Variants in SLC7A14 observed in about 807,000 individuals in gnomAD.
SLC7A14 encodes the protein gamma-aminobutyric acid transporter SLC7A14.
SLC7A14 carries 37 observed loss-of-function variants against 60.2 expected under a neutral mutation model. That is an observed-to-expected ratio of 0.61 (90% CI 0.47 to 0.81). The LOEUF (loss-of-function observed/expected upper bound fraction) is 0.81. Among genes scored for constraint, SLC7A14 ranks in the 30% least tolerant of loss-of-function variants. The pLI is 0.00. For synonymous variants in SLC7A14, 399 were observed against 395.8 expected (o/e 1.01, Z -0.10); for missense variants, 886 against 982.7 (o/e 0.90, Z 1.32).
chr3:170,522,106 A>G (rs959140581), intron 2 of SLC7A14, among the ~76,000 whole-genome samples: 3 of 152,208 alleles, frequency 2.0e-5, no homozygotes, highest in African/African-American at 7.2e-5. Context: ...CAAACAAACA[A>G]ACAAAAAACA....
At chr3:170,511,101 G>A (rs1712966505) in intron 2 of SLC7A14, among the ~76,000 whole-genome samples, 1 of 152,168 alleles carries the variant, frequency 6.6e-6, no homozygotes, top group South Asian at 2.1e-4. Flanking sequence ...TACTAAGTAA[G>A]TGCTTACTAA....
intron 1 of SLC7A14, among the ~76,000 whole-genome samples, chr3:170,584,642 A>T (rs899422309): frequency 1.3e-5 from 2 of 152,202 alleles, no homozygotes; most frequent in African/African-American, 2.4e-5. Context: ...TTAGGGTTCT[A>T]ACGCAGTTTC....
At chr3:170,578,013 C>T (rs13317623) in intron 1 of SLC7A14, among the ~76,000 whole-genome samples, 7 of 152,250 alleles carry the variant, frequency 4.6e-5, no homozygotes, top group African/African-American at 1.7e-4. Context: ...AGCTCTCCCT[C>T]TCTACTGTAA....
At chr3:170,481,214 G>T in intron 6 of SLC7A14, 48 bp from the exon 7 acceptor site, 1 of 1,558,576 alleles carries the variant, frequency 6.4e-7, no homozygotes, top group South Asian at 1.2e-5. Context: ...TACAGTGACC[G>T]ATTCCAGTGC....
chr3:170,499,003 G>A (rs1278478029), intron 3 of SLC7A14, 119 bp from the exon 4 acceptor site: 8 of 828,862 alleles, frequency 9.7e-6, no homozygotes, highest in African/African-American at 3.4e-5. Context: ...CTGGGAGGCC[G>A]AGGCAGGCAG....
At chr3:170,567,829 G>A (rs1322238162) in intron 1 of SLC7A14, among the ~76,000 whole-genome samples, 2 of 151,166 alleles carry the variant, frequency 1.3e-5, no homozygotes, top group East Asian at 1.9e-4. Flanking sequence ...GTCTGTTCAT[G>A]TCCTTTGCCC....
At chr3:170,577,449 T>C (rs988033605) in intron 1 of SLC7A14, among the ~76,000 whole-genome samples, 1 of 150,266 alleles carries the variant, frequency 6.7e-6, no homozygotes, top group African/African-American at 2.5e-5. Flanking sequence ...AAACCCCGTC[T>C]CTACTAAAAA....
At chr3:170,494,614 G>A (rs1712323457) in intron 4 of SLC7A14, among the ~76,000 whole-genome samples, 1 of 152,242 alleles carries the variant, frequency 6.6e-6, no homozygotes, top group Non-Finnish European at 1.5e-5. Flanking sequence ...CAGTCTTTAA[G>A]TGGGGCCTAA....
rs372333877 is a variant in SLC7A14, at chr3:170,467,080, T to A, written c.2291A>T (p.Asp764Val). The A allele has an allele frequency of 3.1e-6, 5 of 1,612,386 alleles. No individual in the cohort carries two copies. Among genetic ancestry groups the A allele is most frequent in the Middle Eastern group, 1.6e-4 (1 of 6,078 alleles). The change falls in exon 8 of 8, where the codon GAT becomes GTT. Residue 764 changes from aspartate to valine, a missense_variant. Physicochemically the swap from Asp to Val is radical, Grantham distance 152 (BLOSUM62 -3). Transcript: ENST00000231706. ...KQNSEALIAN[D>V]ELDYSPE ...CTACTCTGGAGAGTAATCTAACTCA[T>A]CATTTGCAATCAGGGCCTCTGAGTT... is the stretch of plus-strand genomic sequence containing the variant.
chr3:170,550,021 T>C (rs546639353), intron 1 of SLC7A14, among the ~76,000 whole-genome samples: 1 of 152,368 alleles, frequency 6.6e-6, no homozygotes, highest in African/African-American at 2.4e-5. Flanking sequence ...GACCCTGAGC[T>C]ATAATTAAAT....
chr3:170,513,542 T>C (rs917226878), intron 2 of SLC7A14, among the ~76,000 whole-genome samples: 2 of 152,262 alleles, frequency 1.3e-5, no homozygotes, highest in African/African-American at 4.8e-5. Flanking sequence ...ACATTATATA[T>C]ATATTTTCAA....
At chr3:170,500,858 G>A (rs1360800680) in intron 3 of SLC7A14, among the ~76,000 whole-genome samples, 1 of 152,096 alleles carries the variant, frequency 6.6e-6, no homozygotes, top group African/African-American at 2.4e-5. Flanking sequence ...AGAATATTTA[G>A]GCTGTCTCTA....
intron 1 of SLC7A14, among the ~76,000 whole-genome samples, chr3:170,576,882 GC>G (rs556750665): frequency 1.6e-3 from 250 of 152,288 alleles, no homozygotes; most frequent in African/African-American, 5.8e-3. Flanking sequence ...AGGTGACATT[GC>G]CTCAGGTTGA....
intron 7 of SLC7A14, among the ~76,000 whole-genome samples, chr3:170,475,374 A>T (rs116799952): frequency 6.6e-6 from 1 of 152,228 alleles, no homozygotes; most frequent in South Asian, 2.1e-4. Flanking sequence ...CCATTTAAAA[A>T]TATCTCTACT....
intron 2 of SLC7A14, chr3:170,502,894 T>C (rs1338379368): frequency 6.6e-6 from 1 of 152,236 alleles, no homozygotes; most frequent in Non-Finnish European, 1.5e-5. Context: ...TCCCTGTAGA[T>C]TCAGCATCCT....
intron 7 of SLC7A14, among the ~76,000 whole-genome samples, chr3:170,473,680 C>T (rs777743246): frequency 7.2e-5 from 11 of 152,170 alleles, no homozygotes; most frequent in African/African-American, 1.2e-4. Context: ...CCACCAACTC[C>T]CACTATTGCT....
In SLC7A14 at chr3:170,578,503, G is replaced by C. The variant is rs184768333; in HGVS notation, c.-153+7408C>G. 3.9e-3 allele frequency among the ~76,000 whole-genome samples: 597 copies of C among 152,216 alleles called. 2 individuals are homozygous for C. Among genetic ancestry groups the C allele is most frequent in the Middle Eastern group, 6.8e-3 (2 of 294 alleles). Reference sequence around the variant, plus strand: ...GGTTTTTATAGAGGCGGTGTAGCATGGTAGCACAAACTTGTTACCTGTGTC... The same window carrying C: ...GGTTTTTATAGAGGCGGTGTAGCATCGTAGCACAAACTTGTTACCTGTGTC... On this transcript the variant is annotated intron_variant, in intron 1 of 7. Coordinates refer to ENST00000231706, the MANE Select transcript of SLC7A14 (RefSeq NM_020949.3).
At chr3:170,519,013 T>C (rs1713255400) in intron 2 of SLC7A14, among the ~76,000 whole-genome samples, 1 of 152,164 alleles carries the variant, frequency 6.6e-6, no homozygotes. Flanking sequence ...CACACAATCT[T>C]GCATTACTGA....
chr3:170,536,885 T>A (rs1713857345), intron 1 of SLC7A14, among the ~76,000 whole-genome samples: 1 of 152,134 alleles, frequency 6.6e-6, no homozygotes, highest in Admixed American at 6.6e-5. Context: ...GTATTTGAGA[T>A]CATCCAGCCT....
Sources: allele counts gnomAD v4.1 joint callset (sites outside exome capture counted in the v4.1 genomes callset), GRCh38; gene constraint gnomAD v4.1.1; transcripts MANE v1.5; gene names NCBI Gene and HGNC (gene_info 2026-07-23, HGNC 2026-07-21).